PTPRD: variants seen among roughly 807,000 people sequenced by gnomAD.
PTPRD encodes receptor-type tyrosine-protein phosphatase delta.
PTPRD carries 34 observed loss-of-function variants against 214.5 expected under a neutral mutation model. The ratio of observed to expected loss-of-function variants is 0.16; its 90% CI spans 0.12 to 0.21. The LOEUF is 0.21. Ranked by LOEUF, PTPRD falls within the 10% of genes least tolerant of loss-of-function variation. The pLI is 1.00. For missense variants in PTPRD, 2,545 were observed against 2,398.7 expected (o/e 1.06, Z -1.27); for synonymous variants, 1,128 against 845.7 (o/e 1.33, Z -5.79).
intron 27 of PTPRD, among the ~76,000 whole-genome samples, chr9:8,488,668 A>T (rs2097088075): frequency 6.6e-6 from 1 of 152,232 alleles, no homozygotes; most frequent in African/African-American, 2.4e-5. Flanking sequence ...AATTATCTTA[A>T]TTTTAAAATA....
intron 2 of PTPRD, among the ~76,000 whole-genome samples, chr9:10,483,571 G>A (rs1456673827): frequency 6.6e-6 from 1 of 151,754 alleles, no homozygotes; most frequent in Admixed American, 6.6e-5. Context: ...AAACAAATTA[G>A]CAAGCAAAAA....
At chr9:9,446,335 A>G (rs1031652202) in intron 8 of PTPRD, among the ~76,000 whole-genome samples, 1 of 152,178 alleles carries the variant, frequency 6.6e-6, no homozygotes, top group African/African-American at 2.4e-5. Flanking sequence ...AGATAAAACA[A>G]GGAAGAGAGG....
chr9:10,182,178 T>C (rs1266143636), intron 3 of PTPRD, among the ~76,000 whole-genome samples: 3 of 141,200 alleles, frequency 2.1e-5, no homozygotes, highest in African/African-American at 8.0e-5. Flanking sequence ...GAGAATCGCT[T>C]GAACTAGGGA....
At chr9:9,298,188 C>G (rs1252400399) in intron 9 of PTPRD, among the ~76,000 whole-genome samples, 3 of 151,514 alleles carry the variant, frequency 2.0e-5, no homozygotes, top group Non-Finnish European at 3.0e-5. Flanking sequence ...TAGTATGAAA[C>G]ATGTTATTAA....
chr9:8,737,929 G>C (rs2090883558), intron 11 of PTPRD, among the ~76,000 whole-genome samples: 1 of 132,724 alleles, frequency 7.5e-6, no homozygotes, highest in Non-Finnish European at 1.7e-5. Context: ...GATTATAGAT[G>C]TGAGCCACTG....
chr9:8,518,929 T>G (rs757235627), intron 20 of PTPRD, among the ~76,000 whole-genome samples: 1 of 152,122 alleles, frequency 6.6e-6, no homozygotes, highest in Non-Finnish European at 1.5e-5. Context: ...ATTAGCCCCT[T>G]GCCCCAATAA....
intron 34 of PTPRD, among the ~76,000 whole-genome samples, chr9:8,440,116 G>C (rs562814445): frequency 6.6e-6 from 1 of 151,204 alleles, no homozygotes; most frequent in East Asian, 1.9e-4. Flanking sequence ...TTCCCATTTA[G>C]AAATCATATC....
chr9:9,910,317 A>AT (rs1202669795), intron 5 of PTPRD, among the ~76,000 whole-genome samples: 1 of 151,912 alleles, frequency 6.6e-6, no homozygotes, highest in African/African-American at 2.4e-5. Flanking sequence ...TGTAATGTGA[A>AT]TTTTTTCATC....
In PTPRD at chr9:10,015,523, G is replaced by C. The variant is rs1029876798; in HGVS notation, c.-472+18195C>G. Among the ~76,000 whole-genome samples, 3 of 152,128 alleles carry C rather than the reference G, an allele frequency of 2.0e-5. No homozygotes were observed. In the South Asian group the frequency reaches 6.2e-4, roughly 31 times the overall value. ...GAGCTCTGAGGCTGTATAGGACATAGTAGAAATATAAAGGCAGTTAGTATT... is the reference window on the plus strand; with the variant it reads ...GAGCTCTGAGGCTGTATAGGACATACTAGAAATATAAAGGCAGTTAGTATT... On this transcript the variant is annotated intron_variant, in intron 4 of 45. Transcript: ENST00000381196.
At chr9:10,590,604 A>T (rs1224766803) in intron 2 of PTPRD, among the ~76,000 whole-genome samples, 1 of 151,956 alleles carries the variant, frequency 6.6e-6, no homozygotes, top group African/African-American at 2.4e-5. Context: ...TTTTGTAAAC[A>T]CTATCTTAGA....
intron 8 of PTPRD, among the ~76,000 whole-genome samples, chr9:9,454,020 T>C (rs776980459): frequency 6.6e-6 from 1 of 151,828 alleles, no homozygotes; most frequent in Non-Finnish European, 1.5e-5. Context: ...TTCAGTTATG[T>C]TCCCTTTTTA....
chr9:8,819,864 C>A (rs1488094156), intron 11 of PTPRD, among the ~76,000 whole-genome samples: 2 of 152,092 alleles, frequency 1.3e-5, no homozygotes, highest in African/African-American at 4.8e-5. Flanking sequence ...GCTGAAAGAT[C>A]ACACTGGGGC....
intron 43 of PTPRD, among the ~76,000 whole-genome samples, chr9:8,333,645 T>C (rs1233760140): frequency 1.3e-5 from 2 of 152,110 alleles, no homozygotes; most frequent in Non-Finnish European, 2.9e-5. Context: ...AGCTGCATAA[T>C]TAATGGGCAA....
At chr9:10,532,346 G>A (rs986814199) in intron 2 of PTPRD, 1 of 153,272 alleles carries the variant, frequency 6.5e-6, no homozygotes, top group East Asian at 1.9e-4. Context: ...TCATGTAGTA[G>A]TTAAGCAGTA....
At chr9:9,563,118 G>T (rs2083402332) in intron 8 of PTPRD, among the ~76,000 whole-genome samples, 2 of 152,114 alleles carry the variant, frequency 1.3e-5, no homozygotes, top group Non-Finnish European at 2.9e-5. Flanking sequence ...TATATAATGT[G>T]TTTCAGTCTG....
At chr9:10,363,960 T>C (rs1353810591) in intron 2 of PTPRD, among the ~76,000 whole-genome samples, 2 of 151,466 alleles carry the variant, frequency 1.3e-5, no homozygotes, top group Non-Finnish European at 2.9e-5. Flanking sequence ...CCAATCAATA[T>C]GTACTATTAT....
intron 9 of PTPRD, among the ~76,000 whole-genome samples, chr9:9,297,811 A>T (rs753157413): frequency 4.6e-5 from 7 of 151,662 alleles, no homozygotes; most frequent in African/African-American, 7.3e-5. Flanking sequence ...GAGTTAAATG[A>T]CTAGCTTAGG....
chr9:9,944,699 C>G (rs963992669), intron 4 of PTPRD, among the ~76,000 whole-genome samples: 3 of 148,408 alleles, frequency 2.0e-5, no homozygotes, highest in African/African-American at 7.4e-5. Flanking sequence ...AGAAATCCAG[C>G]TTTTTTTTTT....
At chr9:10,329,607 A>G (rs1437541441) in intron 3 of PTPRD, among the ~76,000 whole-genome samples, 1 of 151,790 alleles carries the variant, frequency 6.6e-6, no homozygotes, top group African/African-American at 2.4e-5. Context: ...TCTTGTGGTT[A>G]AGCCATTTTA....
Sources: gnomAD v4.1 joint callset for allele counts (sites outside exome capture counted in the v4.1 genomes callset) on GRCh38, gnomAD v4.1.1 for gene constraint, MANE v1.5 for transcripts, NCBI Gene and HGNC (gene_info 2026-07-23, HGNC 2026-07-21) for gene names.